TCAF1: variants seen among roughly 807,000 people sequenced by gnomAD.
TCAF1 encodes TRPM8 channel associated factor 1.
In TCAF1, 4 loss-of-function variants were observed where a neutral mutation model predicts 27.3. The observed-to-expected ratio is 0.15, with a 90% confidence interval of 0.07 to 0.34. TCAF1 has a LOEUF of 0.34. Ranked by LOEUF, TCAF1 falls within the 10% of genes least tolerant of loss-of-function variation. The pLI is 1.00. For missense variants in TCAF1, 257 were observed against 425.8 expected (o/e 0.60, Z 3.49); for synonymous variants, 105 against 167.1 (o/e 0.63, Z 2.87).
rs1811860246 is a variant in TCAF1 at position 143,859,969 on chromosome 7, ATATAATATATAT to A, written c.2167+227_2167+238del. On this transcript the variant is annotated intron_variant, in intron 6 of 8. Coordinates refer to ENST00000479870, the MANE Select transcript of TCAF1 (RefSeq NM_014719.3). ...TAATATATATTACGGAATATATATT[ATATAATATATAT>A]TATATAATATATATTATATAATATA... is the stretch of plus-strand genomic sequence containing the variant. 5.3e-4 allele frequency among the ~76,000 whole-genome samples: 23 copies of A among 43,610 alleles called. 2 individuals carry two copies. The highest frequency in any genetic ancestry group is 1.5e-3 in the African/African-American group (23 of 14,850). 28.6% of individuals were successfully genotyped at this position (43,610 alleles called of 152,430 possible).
At chr7:143,875,630 C>A (rs999450664) in intron 2 of TCAF1, among the ~76,000 whole-genome samples, 1 of 152,158 alleles carries the variant, frequency 6.6e-6, no homozygotes, top group African/African-American at 2.4e-5. Flanking sequence ...GTCCTTCATG[C>A]CTGTTTTCCT....
chr7:143,889,007 A>G (rs1813534626), intron 1 of TCAF1, among the ~76,000 whole-genome samples: 1 of 152,168 alleles, frequency 6.6e-6, no homozygotes, highest in African/African-American at 2.4e-5. Context: ...AAAATAATTG[A>G]AATAAAATAG....
At chr7:143,892,205 GT>G (rs2116854220) in intron 1 of TCAF1, among the ~76,000 whole-genome samples, 1 of 152,158 alleles carries the variant, frequency 6.6e-6, no homozygotes, top group South Asian at 2.1e-4. Context: ...AATATTGACT[GT>G]TTAAATAAAC....
chr7:143,887,926 AT>A (rs1813487242), intron 1 of TCAF1, among the ~76,000 whole-genome samples: 1 of 152,126 alleles, frequency 6.6e-6, no homozygotes, highest in African/African-American at 2.4e-5. Flanking sequence ...TTAGAATAAT[AT>A]TTACTCTTGG....
chr7:143,882,864 G>A (rs199631529), intron 1 of TCAF1: 10 of 985,572 alleles, frequency 1.0e-5, no homozygotes, highest in Middle Eastern at 5.2e-4. Flanking sequence ...GGAGCGGGGA[G>A]GAGGCTGGAG....
intron 1 of TCAF1, chr7:143,885,458 T>A: frequency 1.0e-6 from 1 of 985,342 alleles, no homozygotes; most frequent in African/African-American, 1.7e-5. Flanking sequence ...AGGCCCGGCT[T>A]TGTGTCAGTT....
intron 1 of TCAF1, among the ~76,000 whole-genome samples, chr7:143,886,297 G>C (rs1463466331): frequency 6.6e-6 from 1 of 152,144 alleles, no homozygotes; most frequent in South Asian, 2.1e-4. Flanking sequence ...GGACCAAACT[G>C]TTCTCTGGAA....
chr7:143,883,492 TC>T (rs1183123720), intron 1 of TCAF1, among the ~76,000 whole-genome samples: 4 of 129,220 alleles, frequency 3.1e-5, no homozygotes, highest in Non-Finnish European at 1.6e-5. Flanking sequence ...TTTCTTTCTT[TC>T]CTTTTTCTTT....
chr7:143,875,930 A>T, intron 2 of TCAF1, 59 bp downstream of exon 2: 1 of 1,472,612 alleles, frequency 6.8e-7, no homozygotes, highest in Middle Eastern at 1.8e-4. Flanking sequence ...ACCTGAAGAT[A>T]AGAACTGGGT....
intron 1 of TCAF1, chr7:143,882,468 G>A: frequency 4.1e-6 from 4 of 985,412 alleles, no homozygotes; most frequent in Non-Finnish European, 4.8e-6. Flanking sequence ...AACATCAGAT[G>A]TCAGAACCTG....
intron 1 of TCAF1, among the ~76,000 whole-genome samples, chr7:143,892,299 T>C (rs528688482): frequency 1.3e-5 from 2 of 152,188 alleles, no homozygotes; most frequent in African/African-American, 4.8e-5. Context: ...ACTTAAAATT[T>C]TGCATTGAGA....
In TCAF1 at chr7:143,900,379, T is replaced by C. The variant is rs192214117; in HGVS notation, c.-15+1582A>G. On this transcript the variant is annotated intron_variant, in intron 1 of 8. Transcript: ENST00000479870. Reference sequence around the variant, plus strand: ...TCTCTTTTTCTCTGTGGGAGCCTTCTCTCTGGGGGGAGTAAGCTGCCATGT... The same window carrying C: ...TCTCTTTTTCTCTGTGGGAGCCTTCCCTCTGGGGGGAGTAAGCTGCCATGT... Among the ~76,000 whole-genome samples the C allele has an allele frequency of 1.1e-4, 16 of 152,262 alleles. No individual in the cohort carries two copies. In the East Asian group the frequency reaches 2.9e-3, roughly 27 times the overall value.
At chr7:143,893,362 T>A (rs1458772198) in intron 1 of TCAF1, among the ~76,000 whole-genome samples, 1 of 152,120 alleles carries the variant, frequency 6.6e-6, no homozygotes, top group Non-Finnish European at 1.5e-5. Context: ...AATAAACAAG[T>A]GCATAAAAAT....
rs150732881 is a variant in TCAF1 at position 143,900,494 on chromosome 7, T to C, written c.-15+1467A>G. On this transcript the variant is annotated intron_variant, in intron 1 of 8. Coordinates refer to ENST00000479870, the MANE Select transcript of TCAF1 (RefSeq NM_014719.3). ...AGGCCAATCGGCCTGCCAGCAGTCA[T>C]GTGAGTAAGCCTGGGAGAGGTCCTC... Among the ~76,000 whole-genome samples, 344 of 152,186 alleles carry C rather than the reference T, an allele frequency of 2.3e-3. 1 individual carries two copies. Among genetic ancestry groups the C allele is most frequent in the African/African-American group, 7.5e-3 (310 of 41,532 alleles).
chr7:143,885,097 G>C (rs1459684543), intron 1 of TCAF1: 2 of 985,488 alleles, frequency 2.0e-6, no homozygotes, highest in Middle Eastern at 5.2e-4. Context: ...CCCCGACCCA[G>C]TGCCTCCTTC....
intron 1 of TCAF1, among the ~76,000 whole-genome samples, chr7:143,879,821 T>C (rs1296474786): frequency 6.6e-6 from 1 of 152,022 alleles, no homozygotes; most frequent in Non-Finnish European, 1.5e-5. Context: ...TGTAGCACTG[T>C]CCCCAGCCAT....
At chr7:143,901,690 T>C (rs1814119171) in intron 1 of TCAF1, among the ~76,000 whole-genome samples, 1 of 152,196 alleles carries the variant, frequency 6.6e-6, no homozygotes, top group African/African-American at 2.4e-5. Flanking sequence ...AGCTCAGATC[T>C]TAATGGCTCC....
At chr7:143,876,934 G>A (rs1812751657) in intron 1 of TCAF1, among the ~76,000 whole-genome samples, 1 of 152,180 alleles carries the variant, frequency 6.6e-6, no homozygotes. Flanking sequence ...TAACCCATAG[G>A]ACTTATTTGG....
At chr7:143,881,599 A>T (rs914311927) in intron 1 of TCAF1, among the ~76,000 whole-genome samples, 2 of 152,170 alleles carry the variant, frequency 1.3e-5, no homozygotes, top group African/African-American at 4.8e-5. Flanking sequence ...TGGTAATAAT[A>T]AAACAATCTG....
Sources: allele counts gnomAD v4.1 joint callset (sites outside exome capture counted in the v4.1 genomes callset), GRCh38; gene constraint gnomAD v4.1.1; transcripts MANE v1.5; gene names NCBI Gene and HGNC (gene_info 2026-07-23, HGNC 2026-07-21).